The following ZCCHC7 variants were observed in gnomAD, a reference collection of about 807,000 sequenced individuals.
ZCCHC7 encodes the protein zinc finger CCHC-type containing 7, also known as zinc finger CCHC domain-containing protein 7.
A neutral mutation model predicts 52.0 loss-of-function variants in ZCCHC7; 35 were observed. The observed-to-expected ratio is 0.67, with a 90% CI of 0.51 to 0.89. ZCCHC7 has a LOEUF of 0.89. ZCCHC7 is among the 40% of genes least tolerant of loss of function. The pLI is 0.00. For missense variants in ZCCHC7, 574 were observed against 649.1 expected (o/e 0.88, Z 1.26); for synonymous variants, 217 against 221.5 (o/e 0.98, Z 0.18).
chr9:37,181,050 T>G (rs1244324613), intron 2 of ZCCHC7, among the ~76,000 whole-genome samples: 2 of 152,296 alleles, frequency 1.3e-5, no homozygotes, highest in African/African-American at 4.8e-5. Flanking sequence ...ATAAGTATAT[T>G]TGGTATGTTC....
intron 2 of ZCCHC7, among the ~76,000 whole-genome samples, chr9:37,295,987 T>C (rs1828766512): frequency 6.6e-6 from 1 of 152,122 alleles, no homozygotes; most frequent in Admixed American, 6.5e-5. Flanking sequence ...CTCCTAGAGG[T>C]CAAGTGAGAA....
Position 37,128,641 on chromosome 9 carries a change from C to A in ZCCHC7, c.610+1699C>A, listed in dbSNP as rs58871505. ...GTTTATAATGCGTTGCTCTAGGTAC[C>A]CATTAAGGTAACTAATTCTGCAGTT... On this transcript the variant is annotated intron_variant, in intron 2 of 8. Transcript: ENST00000336755. 2.4e-4 allele frequency among the ~76,000 whole-genome samples: 36 copies of A among 152,246 alleles called. 1 individual carries two copies. In the East Asian group the frequency reaches 6.9e-3, roughly 29 times the overall value.
At chr9:37,323,574 T>G (rs1830131660) in intron 5 of ZCCHC7, among the ~76,000 whole-genome samples, 2 of 152,164 alleles carry the variant, frequency 1.3e-5, no homozygotes, top group Non-Finnish European at 1.5e-5. Flanking sequence ...ACTTACATCT[T>G]GTATGTTTGT....
rs191679487 is a variant in ZCCHC7 at position 37,304,360 on chromosome 9, T to C, written c.780+47T>C. 2.1e-4 allele frequency: 335 copies of C among 1,598,692 alleles called. 1 individual carries two copies. The African/African-American group carries it at 4.0e-3, about 19-fold the overall frequency. ...TCTTTCCACATTTGTAAACTCAAAA[T>C]CTCAAGGGTGAGGCTGGGCACGGTG... On this transcript the variant is annotated intron_variant, in intron 4 of 8. Coordinates refer to ENST00000336755, the MANE Select transcript of ZCCHC7 (RefSeq NM_032226.3).
intron 2 of ZCCHC7, among the ~76,000 whole-genome samples, chr9:37,275,830 A>G (rs2133537713): frequency 6.6e-6 from 1 of 152,110 alleles, no homozygotes; most frequent in East Asian, 1.9e-4. Flanking sequence ...TTTTATTTTT[A>G]GTAGACACGG....
intron 2 of ZCCHC7, among the ~76,000 whole-genome samples, chr9:37,235,534 C>T (rs1243904080): frequency 1.3e-5 from 1 of 78,910 alleles, no homozygotes; most frequent in African/African-American, 4.9e-5. Context: ...CCCTTCCCCT[C>T]CCCCCTCCCC....
At chr9:37,165,212 T>C (rs974760656) in intron 2 of ZCCHC7, among the ~76,000 whole-genome samples, 10 of 152,082 alleles carry the variant, frequency 6.6e-5, no homozygotes, top group Non-Finnish European at 1.2e-4. Flanking sequence ...AGTTCTAGAA[T>C]TTTTTTTCTT....
At chr9:37,273,176 C>G (rs1235509586) in intron 2 of ZCCHC7, among the ~76,000 whole-genome samples, 6 of 152,092 alleles carry the variant, frequency 3.9e-5, no homozygotes, top group Non-Finnish European at 1.5e-5. Flanking sequence ...TTATGGCACA[C>G]AAGCCTAAAA....
chr9:37,353,993 A>G (rs932860206), intron 7 of ZCCHC7, among the ~76,000 whole-genome samples: 10 of 152,192 alleles, frequency 6.6e-5, no homozygotes, highest in Non-Finnish European at 1.0e-4. Context: ...GCCAAAGCCT[A>G]TGGATTTGGG....
rs771507238 is a variant in ZCCHC7 at position 37,357,047 on chromosome 9, G to A, written c.1411G>A (p.Glu471Lys). The change falls in exon 9 of 9, where the codon GAG becomes AAG. Residue 471 changes from glutamate to lysine, a missense_variant. Around this residue, in one of 3 missense-constraint regions of ZCCHC7, gnomAD observed 168 missense variants for 171.6 expected, o/e 0.98. Transcript: ENST00000336755. Reference sequence around the variant, plus strand: ...GGCTGACAGACATCGTGAAGTGGATGAGGATTTTCCCAGGGGCCCCAAAAC... The same window carrying A: ...GGCTGACAGACATCGTGAAGTGGATAAGGATTTTCCCAGGGGCCCCAAAAC... ...RKADRHREVD[E>K]DFPRGPKTYS... is the part of the protein sequence containing the mutation. 1.2e-6 allele frequency: 2 copies of A among 1,613,698 alleles called. No homozygotes were observed. The highest frequency in any genetic ancestry group is 4.5e-5 in the East Asian group (2 of 44,858).
intron 2 of ZCCHC7, among the ~76,000 whole-genome samples, chr9:37,199,627 C>T (rs1358547853): frequency 3.3e-5 from 5 of 150,344 alleles, no homozygotes; most frequent in Non-Finnish European, 7.4e-5. Flanking sequence ...GCCACCGTGC[C>T]CAGCCCTACT....
intron 2 of ZCCHC7, among the ~76,000 whole-genome samples, chr9:37,220,083 A>T (rs1203656782): frequency 6.6e-6 from 1 of 152,278 alleles, no homozygotes; most frequent in African/African-American, 2.4e-5. Flanking sequence ...CTGAGTAAGG[A>T]AGTAATGAAA....
At chr9:37,261,494 C>G (rs1321678517) in intron 2 of ZCCHC7, among the ~76,000 whole-genome samples, 1 of 152,168 alleles carries the variant, frequency 6.6e-6, no homozygotes, top group Non-Finnish European at 1.5e-5. Flanking sequence ...ATTATCACTT[C>G]CTAACTGATG....
intron 6 of ZCCHC7, among the ~76,000 whole-genome samples, chr9:37,345,642 C>T (rs538809288): frequency 6.0e-4 from 91 of 152,046 alleles, no homozygotes; most frequent in African/African-American, 1.8e-3. Context: ...ACAACTTGAA[C>T]CCAGGAGGCC....
intron 6 of ZCCHC7, among the ~76,000 whole-genome samples, chr9:37,336,808 T>C (rs2118379277): frequency 6.6e-6 from 1 of 152,208 alleles, no homozygotes; most frequent in Admixed American, 6.5e-5. Flanking sequence ...TTCTGTCCCT[T>C]CCCCCTACAT....
chr9:37,231,120 A>G lies in ZCCHC7; in HGVS notation c.611-71068A>G, dbSNP rs963316234. On this transcript the variant is annotated intron_variant, in intron 2 of 8. Transcript: ENST00000336755. ...CCACCATACCCCACTAATTTTTTCT[A>G]TTTTTAGTAGAGACAGGGTTTTGCC... is the stretch of plus-strand genomic sequence containing the variant. 4.6e-5 allele frequency among the ~76,000 whole-genome samples: 7 copies of G among 151,876 alleles called. No homozygotes were observed. In the East Asian group the frequency reaches 9.6e-4, roughly 21 times the overall value.
chr9:37,143,351 T>C (rs1362275235), intron 2 of ZCCHC7, among the ~76,000 whole-genome samples: 2 of 151,802 alleles, frequency 1.3e-5, no homozygotes, highest in African/African-American at 4.8e-5. Context: ...TAAAATTACA[T>C]TGTGTTGCGT....
chr9:37,176,295 G>C (rs191007464), intron 2 of ZCCHC7, among the ~76,000 whole-genome samples: 4 of 152,184 alleles, frequency 2.6e-5, no homozygotes, highest in African/African-American at 9.6e-5. Flanking sequence ...GGATGGTCTC[G>C]ATCTCCTGAC....
At chr9:37,274,706 C>G (rs1827602462) in intron 2 of ZCCHC7, among the ~76,000 whole-genome samples, 1 of 152,098 alleles carries the variant, frequency 6.6e-6, no homozygotes, top group Admixed American at 6.5e-5. Context: ...TTTACTCAAT[C>G]TTTTCCTTTA....
Sources: allele counts gnomAD v4.1 joint callset (sites outside exome capture counted in the v4.1 genomes callset), GRCh38; gene constraint gnomAD v4.1.1; regional missense constraint gnomAD v4.1.1; transcripts MANE v1.5; gene names NCBI Gene and HGNC (gene_info 2026-07-23, HGNC 2026-07-21).